NEURL1: variants seen among roughly 807,000 people sequenced by gnomAD.
The protein encoded by NEURL1 is E3 ubiquitin-protein ligase NEURL1.
In NEURL1, 26 loss-of-function variants were observed where a neutral mutation model predicts 41.2. The ratio of observed to expected loss-of-function variants is 0.63; its 90% CI spans 0.46 to 0.87. The LOEUF (loss-of-function observed/expected upper bound fraction) is 0.87, where lower values mean the gene tolerates loss of function less well. Among genes scored for constraint, NEURL1 ranks in the 40% least tolerant of loss-of-function variants. The pLI, the probability that NEURL1 is intolerant of heterozygous loss-of-function variation, is 0.00. For synonymous variants in NEURL1, 400 were observed against 402.3 expected (o/e 0.99, Z 0.07); for missense variants, 761 against 871.1 (o/e 0.87, Z 1.59).
In NEURL1 at chr10:103,556,946, C is replaced by T. The variant is rs888434164; in HGVS notation, c.86-13926C>T. 1.3e-5 allele frequency among the ~76,000 whole-genome samples: 2 copies of T among 152,230 alleles called. No homozygotes were observed. Among genetic ancestry groups the T allele is most frequent in the Non-Finnish European group, 2.9e-5 (2 of 68,042 alleles). Reference sequence around the variant, plus strand: ...GTGGTCTGGGAAGGACAGAGAGGCTCTCAGAGCAGACTCAGGACATAGTAC... The same window carrying T: ...GTGGTCTGGGAAGGACAGAGAGGCTTTCAGAGCAGACTCAGGACATAGTAC... On this transcript the variant is annotated intron_variant, in intron 1 of 5. Coordinates refer to ENST00000369780, the MANE Select transcript of NEURL1 (RefSeq NM_004210.5). This position sits in a 1 kb window ranked among gnomAD's most constrained non-coding sequence, Gnocchi z 4.4.
At chr10:103,516,631 A>G (rs2034212437) in intron 1 of NEURL1, among the ~76,000 whole-genome samples, 1 of 152,156 alleles carries the variant, frequency 6.6e-6, no homozygotes, top group South Asian at 2.1e-4. Context: ...GAGAGGTACA[A>G]GGAGAATCAG....
At chr10:103,559,729 A>T (rs1447973840) in intron 1 of NEURL1, among the ~76,000 whole-genome samples, 2 of 152,122 alleles carry the variant, frequency 1.3e-5, no homozygotes, top group African/African-American at 4.8e-5. Flanking sequence ...AGTGGACGCT[A>T]AGGGCAGTAC....
Position 103,584,736 on chromosome 10 carries a change from C to A in NEURL1, c.850C>A (p.Arg284Ser). ...PQNSLNSQHS[R>S]ALPAQLDGDL... Reference sequence around the variant, plus strand: ...GAACTCACTCAACTCGCAGCACAGCCGCGCGCTGCCGGCGCAGCTCGACGG... The same window carrying A: ...GAACTCACTCAACTCGCAGCACAGCAGCGCGCTGCCGGCGCAGCTCGACGG... Residue 284 changes from arginine (R) to serine (S), a missense_variant, in exon 4 of 6, where the codon CGC (arginine) becomes AGC (serine). By Grantham distance (110) the Arg-to-Ser change is moderately radical. Around this residue, in one of 5 missense-constraint regions of NEURL1, gnomAD observed 443 missense variants for 408.1 expected, o/e 1.09. Coordinates refer to ENST00000369780, the MANE Select transcript of NEURL1 (RefSeq NM_004210.5). 1 of 1,464,154 alleles carries A rather than the reference C, an allele frequency of 6.8e-7. No homozygotes were observed. Among genetic ancestry groups the A allele is most frequent in the Non-Finnish European group, 9.0e-7 (1 of 1,113,190 alleles). 90.7% of individuals were successfully genotyped at this position (1,464,154 alleles called of 1,614,324 possible). A position where few individuals can be genotyped will look rare whatever the true frequency, so the allele number is the denominator to read the frequency against.
chr10:103,584,972 C>G lies in NEURL1; in HGVS notation c.1086C>G (p.Pro362=), dbSNP rs769053760. The change falls in exon 4 of 6, where the codon CCC becomes CCG. Residue 362 remains proline (P), a synonymous_variant. Transcript: ENST00000369780. ...CGTTCGGCGTCACCACGTGCGACCC[C>G]GGCACGCTGCGGCCGGCCGACCTGC... ...ALSFGVTTCD[P]GTLRPADLPF... 3 of 1,526,980 alleles carry G rather than the reference C, an allele frequency of 2.0e-6. No homozygotes were observed. The highest frequency in any genetic ancestry group is 2.8e-5 in the African/African-American group (2 of 70,506). 94.6% of individuals were successfully genotyped at this position (1,526,980 alleles called of 1,614,324 possible). A position where few individuals can be genotyped will look rare whatever the true frequency, so the allele number is the denominator to read the frequency against.
At chr10:103,507,244 C>A (rs1243836669) in intron 1 of NEURL1, among the ~76,000 whole-genome samples, 1 of 152,134 alleles carries the variant, frequency 6.6e-6, no homozygotes, top group African/African-American at 2.4e-5. Context: ...AGTGCTGGCC[C>A]TAAATGTGAT....
chr10:103,502,752 A>T (rs1353610457), intron 1 of NEURL1, among the ~76,000 whole-genome samples: 1 of 152,210 alleles, frequency 6.6e-6, no homozygotes, highest in Non-Finnish European at 1.5e-5. Flanking sequence ...AAAAGCAGTA[A>T]GAAAAGGAGG....
chr10:103,555,210 G>C, intron 1 of NEURL1: 1 of 736,654 alleles, frequency 1.4e-6, no homozygotes, highest in Non-Finnish European at 1.7e-6. Context: ...GCGTGTGCCG[G>C]AGGGGGCGCG....
At chr10:103,540,343 G>A (rs899107360) in intron 1 of NEURL1, among the ~76,000 whole-genome samples, 7 of 151,946 alleles carry the variant, frequency 4.6e-5, no homozygotes, top group South Asian at 2.1e-4. Flanking sequence ...AGGCTGGAGC[G>A]CAGTGGCCTG....
chr10:103,494,273 G>A lies in NEURL1; in HGVS notation c.-115G>A, dbSNP rs924174506. On this transcript the variant is annotated 5_prime_UTR_variant, in exon 1 of 6. Transcript: ENST00000369780. Reference sequence around the variant, plus strand: ...CCGCCCGCCCCCGGCTGCAGCCCCAGCAGGGCCCTCCCCCGGTGGCGCGCA... The same window carrying A: ...CCGCCCGCCCCCGGCTGCAGCCCCAACAGGGCCCTCCCCCGGTGGCGCGCA... The A allele has an allele frequency of 4.0e-5, 31 of 769,468 alleles. No individual in the cohort carries two copies. Among genetic ancestry groups the A allele is most frequent in the Non-Finnish European group, 6.0e-5 (30 of 500,628 alleles). The allele number at this position is 769,468 out of a possible 1,614,324, so 47.7% of individuals were successfully genotyped here. A position where few individuals can be genotyped will look rare whatever the true frequency, so the allele number is the denominator to read the frequency against.
Position 103,590,457 on chromosome 10 carries a change from C to G in NEURL1, c.*85C>G. On this transcript the variant is annotated 3_prime_UTR_variant, in exon 6 of 6. Coordinates refer to ENST00000369780, the MANE Select transcript of NEURL1 (RefSeq NM_004210.5). ...GAGGAACAAGCCAGTGGGGCCCCTT[C>G]TCTTCCTCATTTTGGAAACTTTTCC... The G allele has an allele frequency of 9.0e-7, 1 of 1,110,430 alleles. No homozygotes were observed. The highest frequency in any genetic ancestry group is 1.3e-6 in the Non-Finnish European group (1 of 747,050). The allele number at this position is 1,110,430 out of a possible 1,614,324, so 68.8% of individuals were successfully genotyped here. A position where few individuals can be genotyped will look rare whatever the true frequency, so the allele number is the denominator to read the frequency against.
chr10:103,555,004 GCTTT>G (rs1380147983), intron 1 of NEURL1, among the ~76,000 whole-genome samples: 1 of 152,136 alleles, frequency 6.6e-6, no homozygotes, highest in Admixed American at 6.5e-5. Context: ...GCCTCTGCTC[GCTTT>G]CTGGAGCTCG....
rs2035889070 is a variant in NEURL1, at chr10:103,585,131, C to T, written c.1245C>T (p.Gly415=). The T allele has an allele frequency of 1.3e-6, 2 of 1,590,068 alleles. No homozygotes were observed. Among genetic ancestry groups the T allele is most frequent in the Non-Finnish European group, 8.5e-7 (1 of 1,175,504 alleles). Reference sequence around the variant, plus strand: ...GCGAGCTGCACCTCAGCCACAATGGCGCGGCCGCCGGCATGCAGCTGTGCG... The same window carrying T: ...GCGAGCTGCACCTCAGCCACAATGGTGCGGCCGCCGGCATGCAGCTGTGCG... ...ADGELHLSHN[G]AAAGMQLCVD... The change falls in exon 4 of 6, where the codon GGC becomes GGT. Residue 415 remains glycine, a synonymous_variant. Transcript: ENST00000369780.
chr10:103,512,685 G>A (rs769375231), intron 1 of NEURL1, among the ~76,000 whole-genome samples: 2 of 152,134 alleles, frequency 1.3e-5, no homozygotes, highest in Non-Finnish European at 2.9e-5. Context: ...TTTCCCCAGC[G>A]CCCGCAGGGT....
intron 4 of NEURL1, among the ~76,000 whole-genome samples, chr10:103,587,343 C>A (rs532986723): frequency 7.0e-4 from 107 of 152,186 alleles, no homozygotes; most frequent in African/African-American, 2.4e-3. Flanking sequence ...TAGACTGGAG[C>A]AAAGGGGAGG....
At chr10:103,526,593 C>T (rs2034464049) in intron 1 of NEURL1, among the ~76,000 whole-genome samples, 1 of 152,130 alleles carries the variant, frequency 6.6e-6, no homozygotes. Context: ...CTCACTGCAA[C>T]CTCTGCCTCC....
chr10:103,531,629 G>A (rs2034575967), intron 1 of NEURL1, among the ~76,000 whole-genome samples: 1 of 151,462 alleles, frequency 6.6e-6, no homozygotes, highest in Non-Finnish European at 1.5e-5. Flanking sequence ...AACTCCTTGG[G>A]CTCAAGTGAT....
chr10:103,585,171 C>T lies in NEURL1; in HGVS notation c.1285C>T (p.Pro429Ser). 1 of 1,588,366 alleles carries T rather than the reference C, an allele frequency of 6.3e-7. No homozygotes were observed. Among genetic ancestry groups the T allele is most frequent in the Non-Finnish European group, 8.5e-7 (1 of 1,172,720 alleles). The change falls in exon 4 of 6, where the codon CCG (proline) becomes TCG (serine). Residue 429 changes from proline (P) to serine (S), a missense_variant. Physicochemically the swap from Pro to Ser is moderately conservative, Grantham distance 74. Coordinates refer to ENST00000369780, the MANE Select transcript of NEURL1 (RefSeq NM_004210.5). ...GMQLCVDASQ[P>S]LWMLFGLHGT... ...GCAGCTGTGCGTGGACGCCTCGCAG[C>T]CGCTTTGGATGCTCTTCGGCCTGCA...
chr10:103,530,394 C>T (rs868386766), intron 1 of NEURL1, among the ~76,000 whole-genome samples: 9 of 151,836 alleles, frequency 5.9e-5, no homozygotes, highest in African/African-American at 2.2e-4. Flanking sequence ...TTATATGTTT[C>T]AAGACATTTT....
chr10:103,572,036 T>G (rs1407279364), intron 3 of NEURL1, among the ~76,000 whole-genome samples: 2 of 152,212 alleles, frequency 1.3e-5, no homozygotes, highest in Non-Finnish European at 2.9e-5. Context: ...GTGTGATTTC[T>G]GCTCTCTGCA....
Sources: allele counts gnomAD v4.1 joint callset (sites outside exome capture counted in the v4.1 genomes callset), GRCh38; gene constraint gnomAD v4.1.1; regional missense constraint gnomAD v4.1.1; non-coding constraint Gnocchi (gnomAD v3.1); transcripts MANE v1.5; gene names NCBI Gene and HGNC (gene_info 2026-07-23, HGNC 2026-07-21).